Variants in PACSIN1 observed in about 807,000 individuals in gnomAD.
The protein encoded by PACSIN1 is protein kinase C and casein kinase substrate in neurons protein 1.
In PACSIN1, 15 loss-of-function variants were observed where a neutral mutation model predicts 59.5. The ratio of observed to expected loss-of-function variants is 0.25; its 90% confidence interval spans 0.17 to 0.39. PACSIN1 has a LOEUF of 0.39. Ranked by LOEUF, PACSIN1 falls within the 10% of genes least tolerant of loss-of-function variation. PACSIN1 has a pLI of 1.00. For missense variants in PACSIN1, 420 were observed against 580.2 expected (o/e 0.72, Z 2.84); for synonymous variants, 210 against 220.6 (o/e 0.95, Z 0.42).
chr6:34,502,698 C>A (rs1767043200), intron 1 of PACSIN1, among the ~76,000 whole-genome samples: 1 of 151,920 alleles, frequency 6.6e-6, no homozygotes, highest in African/African-American at 2.4e-5. Flanking sequence ...GATCTCCTGA[C>A]CTTGTGATCT....
At chr6:34,477,856 C>T (rs1581957425) in intron 1 of PACSIN1, among the ~76,000 whole-genome samples, 1 of 151,890 alleles carries the variant, frequency 6.6e-6, no homozygotes, top group East Asian at 1.9e-4. Context: ...TTGAGCTATC[C>T]TCACAACTCA....
chr6:34,527,796 TTCTCACTGA>T (rs1767517610), intron 3 of PACSIN1: 1 of 235,382 alleles, frequency 4.2e-6, no homozygotes, highest in East Asian at 7.8e-5. Flanking sequence ...GCCCCACGTT[TTCTCACTGA>T]CTGTTTATTG....
At chr6:34,505,494 T>C (rs1767097753) in intron 1 of PACSIN1, among the ~76,000 whole-genome samples, 1 of 151,464 alleles carries the variant, frequency 6.6e-6, no homozygotes, top group Non-Finnish European at 1.5e-5. Context: ...CTATTTTAGT[T>C]CCACAGGTTC....
chr6:34,483,967 G>A (rs1766757964), intron 1 of PACSIN1, among the ~76,000 whole-genome samples: 2 of 152,060 alleles, frequency 1.3e-5, no homozygotes, highest in South Asian at 4.1e-4. Context: ...GACTTTATGG[G>A]CTGCCCCAGC....
At chr6:34,505,949 G>C (rs1268011288) in intron 1 of PACSIN1, among the ~76,000 whole-genome samples, 2 of 151,990 alleles carry the variant, frequency 1.3e-5, no homozygotes, top group East Asian at 3.9e-4. Flanking sequence ...TATTTAGAAA[G>C]CTCACTGGAC....
At chr6:34,513,955 C>T (rs533697696) in intron 1 of PACSIN1, among the ~76,000 whole-genome samples, 3 of 152,180 alleles carry the variant, frequency 2.0e-5, no homozygotes, top group Non-Finnish European at 2.9e-5. Context: ...GTGTGCCGCA[C>T]TGAGTTTGTG....
rs1376288018 is a variant in PACSIN1, at chr6:34,531,768, C to T, written c.1206C>T (p.Asp402=). ...ACGACTATGACGGCCAGGAGCAGGA[C>T]GAGCTCAGCTTTAAGGCCGGTAGGA... ...ALYDYDGQEQ[D]ELSFKAGDEL... is the part of the protein sequence containing the mutation. Residue 402 remains aspartate, a synonymous_variant, in exon 9 of 10, where the codon GAC becomes GAT. Coordinates refer to ENST00000244458, the MANE Select transcript of PACSIN1 (RefSeq NM_020804.5). The surrounding 1 kb of genome is among the most constrained non-coding windows in gnomAD (Gnocchi z 4.4). 2 of 1,575,684 alleles carry T rather than the reference C, an allele frequency of 1.3e-6. No individual in the cohort carries two copies. Among genetic ancestry groups the T allele is most frequent in the East Asian group, 2.3e-5 (1 of 44,126 alleles).
Position 34,531,066 on chromosome 6 carries a change from A to G in PACSIN1, c.1037+479A>G, listed in dbSNP as rs1336382644. ...GCCCCAGGGTTGGGGACCCCGGTCC[A>G]GATCACAGGAACCAAGCCTCCTCTC... is the stretch of plus-strand genomic sequence containing the variant. On this transcript the variant is annotated intron_variant, in intron 8 of 9. Transcript: ENST00000244458. This position sits in a 1 kb window ranked among gnomAD's most constrained non-coding sequence, Gnocchi z 4.4. 1.3e-5 allele frequency among the ~76,000 whole-genome samples: 2 copies of G among 152,212 alleles called. No individual in the cohort carries two copies. Among genetic ancestry groups the G allele is most frequent in the Admixed American group, 6.5e-5 (1 of 15,278 alleles).
In PACSIN1 at chr6:34,526,295, G is replaced by A; in HGVS notation, c.-11G>A. On this transcript the variant is annotated 5_prime_UTR_variant, in exon 2 of 10. Transcript: ENST00000244458. ...CAGCTCCGCACTTGTCCATCCCCCT[G>A]CGGCTACACCATGTCCAGCTCCTAC... 1 of 1,611,298 alleles carries A rather than the reference G, an allele frequency of 6.2e-7. No individual in the cohort carries two copies. Among genetic ancestry groups the A allele is most frequent in the Non-Finnish European group, 8.5e-7 (1 of 1,179,550 alleles).
chr6:34,514,492 AG>A lies in PACSIN1; in HGVS notation c.-63-11750del. On this transcript the variant is annotated intron_variant, in intron 1 of 9. Coordinates refer to ENST00000244458, the MANE Select transcript of PACSIN1 (RefSeq NM_020804.5). This position sits in a 1 kb window ranked among gnomAD's most constrained non-coding sequence, Gnocchi z 4.4. ...TTAAACAAATAGAAATGCTTCACCCAGCAGCAAGCGCTTAGATTTTAAGGAC... is the reference window on the plus strand; with the variant it reads ...TTAAACAAATAGAAATGCTTCACCCACAGCAAGCGCTTAGATTTTAAGGAC... 6.6e-6 allele frequency among the ~76,000 whole-genome samples: 1 copy of A among 152,204 alleles called. No homozygotes were observed. Among genetic ancestry groups the A allele is most frequent in the Non-Finnish European group, 1.5e-5 (1 of 68,036 alleles).
Position 34,525,898 on chromosome 6 carries a change from C to G in PACSIN1, c.-63-345C>G, listed in dbSNP as rs368241079. Among the ~76,000 whole-genome samples the G allele has an allele frequency of 4.9e-4, 74 of 152,142 alleles. No homozygotes were observed. The highest frequency in any genetic ancestry group is 1.4e-3 in the Admixed American group (21 of 15,288). ...GCAGACAGAAGGGCATTTACAGGGT[C>G]CCGGGGCTCAGATAACTGAGGAGGC... is the stretch of plus-strand genomic sequence containing the variant. On this transcript the variant is annotated intron_variant, in intron 1 of 9. Transcript: ENST00000244458. The surrounding 1 kb of genome is among the most constrained non-coding windows in gnomAD (Gnocchi z 4.9).
chr6:34,482,164 G>A (rs1014796078), intron 1 of PACSIN1, among the ~76,000 whole-genome samples: 21 of 152,138 alleles, frequency 1.4e-4, no homozygotes, highest in African/African-American at 5.1e-4. Flanking sequence ...TCGGCTCACC[G>A]CAATCTCTGC....
At chr6:34,503,630 C>T (rs573592623) in intron 1 of PACSIN1, among the ~76,000 whole-genome samples, 10 of 152,196 alleles carry the variant, frequency 6.6e-5, no homozygotes, top group Non-Finnish European at 1.5e-4. Flanking sequence ...GTCACTCAGT[C>T]CACCTTACAG....
intron 1 of PACSIN1, among the ~76,000 whole-genome samples, chr6:34,498,519 T>G (rs968921346): frequency 2.0e-5 from 3 of 151,980 alleles, no homozygotes; most frequent in Non-Finnish European, 4.4e-5. Context: ...GTGTCCCGGC[T>G]GGGCACAGTG....
chr6:34,517,450 T>G (rs2127267586), intron 1 of PACSIN1, among the ~76,000 whole-genome samples: 1 of 152,222 alleles, frequency 6.6e-6, no homozygotes, highest in Non-Finnish European at 1.5e-5. Context: ...CAGAAAAAGC[T>G]AAAGGCCTCC....
intron 2 of PACSIN1, among the ~76,000 whole-genome samples, chr6:34,526,768 G>C (rs952727079): frequency 2.0e-5 from 3 of 152,214 alleles, no homozygotes; most frequent in Non-Finnish European, 4.4e-5. Flanking sequence ...AGAGCCCCAC[G>C]GGGCCGCAGA....
At chr6:34,469,635 C>A (rs1372687987) in intron 1 of PACSIN1, among the ~76,000 whole-genome samples, 3 of 152,214 alleles carry the variant, frequency 2.0e-5, no homozygotes, top group Admixed American at 6.5e-5. Context: ...CCCTAGACCC[C>A]AGCATCCTGC....
At chr6:34,481,983 C>T (rs886412420) in intron 1 of PACSIN1, among the ~76,000 whole-genome samples, 1 of 152,206 alleles carries the variant, frequency 6.6e-6, no homozygotes, top group African/African-American at 2.4e-5. Context: ...AATCACCAAA[C>T]AACCTTCTGT....
chr6:34,506,402 A>G (rs1369739086), intron 1 of PACSIN1, among the ~76,000 whole-genome samples: 2 of 151,960 alleles, frequency 1.3e-5, no homozygotes, highest in Non-Finnish European at 2.9e-5. Context: ...TTTTGTAGAG[A>G]CAGGGTCTCA....
Sources: gnomAD v4.1 joint callset for allele counts (sites outside exome capture counted in the v4.1 genomes callset) on GRCh38, gnomAD v4.1.1 for gene constraint, Gnocchi (gnomAD v3.1) non-coding constraint, MANE v1.5 for transcripts, NCBI Gene and HGNC (gene_info 2026-07-23, HGNC 2026-07-21) for gene names.